The following TTC39B variants were observed in gnomAD, a reference collection of about 807,000 sequenced individuals.
The protein encoded by TTC39B is tetratricopeptide repeat protein 39B.
TTC39B carries 92 observed loss-of-function variants against 96.6 expected under a neutral mutation model. The ratio of observed to expected loss-of-function variants is 0.95; its 90% CI spans 0.80 to 1.13. The LOEUF (loss-of-function observed/expected upper bound fraction) is 1.13. Ranked by LOEUF, TTC39B falls within the 50% of genes most tolerant of loss-of-function variation. The pLI, the probability that TTC39B is intolerant of heterozygous loss-of-function variation, is 0.00. For synonymous variants in TTC39B, 367 were observed against 299.4 expected (o/e 1.23, Z -2.33); for missense variants, 955 against 809.3 (o/e 1.18, Z -2.18).
chr9:15,224,322 C>G (rs574386378), intron 3 of TTC39B: 1 of 152,622 alleles, frequency 6.6e-6, no homozygotes, highest in Non-Finnish European at 1.5e-5. Flanking sequence ...GCTCTGCTGA[C>G]TGCATTCCAG....
At chr9:15,298,526 G>A (rs1291121180) in intron 1 of TTC39B, among the ~76,000 whole-genome samples, 1 of 152,156 alleles carries the variant, frequency 6.6e-6, no homozygotes, top group Non-Finnish European at 1.5e-5. Context: ...GAGAGTGTGT[G>A]CGGGGAAACT....
intron 2 of TTC39B, among the ~76,000 whole-genome samples, chr9:15,239,866 T>A (rs1249763897): frequency 1.3e-5 from 2 of 152,218 alleles, no homozygotes; most frequent in African/African-American, 4.8e-5. Context: ...TTATGCAATA[T>A]ACCCATGTAA....
intron 1 of TTC39B, among the ~76,000 whole-genome samples, chr9:15,281,215 G>C (rs1428296238): frequency 6.6e-6 from 1 of 152,050 alleles, no homozygotes; most frequent in African/African-American, 2.4e-5. Context: ...ACTGTGTGTG[G>C]TCTTGGGCAA....
chr9:15,204,823 C>G (rs1159317911), intron 6 of TTC39B, among the ~76,000 whole-genome samples: 11 of 152,142 alleles, frequency 7.2e-5, no homozygotes, highest in Non-Finnish European at 1.6e-4. Flanking sequence ...ACAAGGTACT[C>G]ACAAAAAGGG....
At chr9:15,239,948 G>A (rs966748940) in intron 2 of TTC39B, among the ~76,000 whole-genome samples, 1 of 152,150 alleles carries the variant, frequency 6.6e-6, no homozygotes, top group Non-Finnish European at 1.5e-5. Context: ...ATTATGAAAT[G>A]CAGGACTCTG....
At chr9:15,301,915 T>TA (rs1824604870) in intron 1 of TTC39B, among the ~76,000 whole-genome samples, 1 of 152,230 alleles carries the variant, frequency 6.6e-6, no homozygotes, top group South Asian at 2.1e-4. Context: ...AAGCCATTTA[T>TA]TTCCTAGTCA....
chr9:15,173,367 G>A (rs779836985), intron 19 of TTC39B, among the ~76,000 whole-genome samples: 4 of 152,044 alleles, frequency 2.6e-5, no homozygotes, highest in Admixed American at 6.6e-5. Context: ...GCCCCATTAC[G>A]ATGTTCTATT....
At chr9:15,198,465 T>A (rs373740430) in intron 8 of TTC39B, among the ~76,000 whole-genome samples, 1,686 of 83,280 alleles carry the variant, frequency 0.02, 19 homozygotes, top group East Asian at 0.034. Context: ...CGCAAAAATA[T>A]ATATATATAT....
intron 1 of TTC39B, among the ~76,000 whole-genome samples, chr9:15,293,274 T>G (rs1824253246): frequency 6.6e-6 from 1 of 152,170 alleles, no homozygotes; most frequent in South Asian, 2.1e-4. Flanking sequence ...ATTGTGTAAG[T>G]GCACTATGAT....
chr9:15,291,716 C>A (rs1178882207), intron 1 of TTC39B, among the ~76,000 whole-genome samples: 1 of 152,130 alleles, frequency 6.6e-6, no homozygotes, highest in African/African-American at 2.4e-5. Flanking sequence ...GGGACCGTCA[C>A]TGGATCCAAA....
At chr9:15,214,947 T>G (rs1431960184) in intron 3 of TTC39B, among the ~76,000 whole-genome samples, 4 of 152,188 alleles carry the variant, frequency 2.6e-5, no homozygotes, top group African/African-American at 9.7e-5. Flanking sequence ...GTAGGATGAT[T>G]TGGCAAACAA....
chr9:15,264,871 A>G (rs80016095), intron 2 of TTC39B, among the ~76,000 whole-genome samples: 6,810 of 152,044 alleles, frequency 0.045, 528 homozygotes, highest in African/African-American at 0.16. Context: ...CACAGGAGTC[A>G]TTTTGGATGA....
At chr9:15,233,408 C>G (rs941169361) in intron 2 of TTC39B, among the ~76,000 whole-genome samples, 2 of 152,238 alleles carry the variant, frequency 1.3e-5, no homozygotes, top group South Asian at 2.1e-4. Context: ...GATGCCGAGC[C>G]GAAGCTGGAC....
intron 1 of TTC39B, among the ~76,000 whole-genome samples, chr9:15,290,320 C>T (rs568678569): frequency 2.9e-4 from 44 of 152,212 alleles, no homozygotes; most frequent in South Asian, 1.0e-3. Flanking sequence ...AAAATTTAAG[C>T]TTGGGAACTG....
chr9:15,265,938 T>C (rs1404961486), intron 2 of TTC39B, among the ~76,000 whole-genome samples: 2 of 152,174 alleles, frequency 1.3e-5, no homozygotes, highest in East Asian at 3.8e-4. Flanking sequence ...TCTGAGAGAC[T>C]GTCACAGCCA....
At chr9:15,274,023 C>A (rs946701362) in intron 1 of TTC39B, among the ~76,000 whole-genome samples, 1 of 152,282 alleles carries the variant, frequency 6.6e-6, no homozygotes, top group East Asian at 1.9e-4. Flanking sequence ...TAGTGACTGA[C>A]ACACCTGGAG....
chr9:15,292,922 C>T lies in TTC39B; in HGVS notation c.240+14162G>A, dbSNP rs148492168. Among the ~76,000 whole-genome samples, 180 of 152,244 alleles carry T rather than the reference C, an allele frequency of 1.2e-3. 1 individual carries two copies. The highest frequency in any genetic ancestry group is 4.0e-3 in the African/African-American group (165 of 41,550). On this transcript the variant is annotated intron_variant, in intron 1 of 19. Coordinates refer to ENST00000512701, the Ensembl canonical transcript of TTC39B. ...CAAAGGTTTATTATTAAAGAAAAAACATAAATGTGGTGCAGCTTAAGTGTA... is the reference window on the plus strand; with the variant it reads ...CAAAGGTTTATTATTAAAGAAAAAATATAAATGTGGTGCAGCTTAAGTGTA...
At chr9:15,190,691 G>C in intron 10 of TTC39B, 29 bp from the exon 11 acceptor site, 1 of 1,562,622 alleles carries the variant, frequency 6.4e-7, no homozygotes, top group Non-Finnish European at 8.8e-7. Flanking sequence ...TTTTTAGAAA[G>C]AGAACAAGAC....
chr9:15,235,201 CTA>C (rs1321381787), intron 2 of TTC39B, among the ~76,000 whole-genome samples: 1 of 152,004 alleles, frequency 6.6e-6, no homozygotes, highest in Admixed American at 6.6e-5. Flanking sequence ...ATATCACCAA[CTA>C]ATAATTTTTT....
Sources: allele counts gnomAD v4.1 joint callset (sites outside exome capture counted in the v4.1 genomes callset), GRCh38; gene constraint gnomAD v4.1.1; transcripts MANE v1.5; gene names NCBI Gene and HGNC (gene_info 2026-07-23, HGNC 2026-07-21).